The following ITIH2 variants were observed in gnomAD, a reference collection of about 807,000 sequenced individuals.
ITIH2 encodes the protein inter-alpha-trypsin inhibitor heavy chain 2, also known as inter-alpha-trypsin inhibitor heavy chain H2.
ITIH2 carries 103 observed loss-of-function variants against 104.4 expected under a neutral mutation model. The observed-to-expected ratio is 0.99, with a 90% confidence interval of 0.84 to 1.16. The LOEUF (loss-of-function observed/expected upper bound fraction) is 1.16, where lower values mean the gene tolerates loss of function less well. Ranked by LOEUF, ITIH2 falls within the 50% of genes most tolerant of loss-of-function variation. The pLI is 0.00. For synonymous variants in ITIH2, 436 were observed against 435.4 expected, an observed-to-expected ratio of 1.00 and a Z score of -0.02; for missense variants, 1,108 against 1,162.4, an observed-to-expected ratio of 0.95 and a Z score of 0.68.
chr10:7,735,004 C>T lies in ITIH2; in HGVS notation c.1870C>T (p.Pro624Ser). The change falls in exon 15 of 21, where the codon CCG becomes TCG. Residue 624 changes from proline (P) to serine (S), a missense_variant. Physicochemically the swap from Pro to Ser is moderately conservative, Grantham distance 74. Coordinates refer to ENST00000358415, the MANE Select transcript of ITIH2 (RefSeq NM_002216.3). Reference protein sequence around the residue: ...QMSLDHHIVTPLTSLVIENEA... With the variant: ...QMSLDHHIVTSLTSLVIENEA... ...GTCTCTAGACCACCACATTGTGACTCCGCTGACCTCGCTGGTGATCGAGAA... is the reference window on the plus strand; with the variant it reads ...GTCTCTAGACCACCACATTGTGACTTCGCTGACCTCGCTGGTGATCGAGAA... 6.8e-6 allele frequency: 11 copies of T among 1,613,868 alleles called. No homozygotes were observed. Among genetic ancestry groups the T allele is most frequent in the Non-Finnish European group, 6.8e-6 (8 of 1,180,024 alleles).
intron 14 of ITIH2, among the ~76,000 whole-genome samples, chr10:7,733,220 G>C (rs910817422): frequency 1.3e-5 from 2 of 151,960 alleles, no homozygotes; most frequent in Non-Finnish European, 2.9e-5. Context: ...CATGCAATCT[G>C]TATTCCTCTG....
intron 12 of ITIH2, among the ~76,000 whole-genome samples, chr10:7,730,589 G>T (rs1834993334): frequency 6.6e-6 from 1 of 152,190 alleles, no homozygotes; most frequent in African/African-American, 2.4e-5. Flanking sequence ...GGAGGCCAAG[G>T]TGGGAGGATC....
At chr10:7,723,353 C>T (rs1834924295) in intron 8 of ITIH2, 98 bp from the exon 9 acceptor site, 1 of 784,386 alleles carries the variant, frequency 1.3e-6, no homozygotes, top group Admixed American at 1.9e-5. Context: ...CCTCCTCCTC[C>T]CTGTAGACCC....
intron 20 of ITIH2, among the ~76,000 whole-genome samples, 168 bp downstream of exon 20, chr10:7,746,872 T>A (rs1835183094): frequency 1.3e-5 from 2 of 151,898 alleles, no homozygotes; most frequent in Admixed American, 6.6e-5. Flanking sequence ...ACTTCTGATA[T>A]CCCACGTTAA....
At position 7,720,860 on chromosome 10, in the gene ITIH2, AT is replaced by A; in HGVS notation, c.636del (p.Asp212GlufsTer10). ...PGRLAKHLEV[D>X]VWVIEPQGLR... ...AATTTTCTCTTGCATCTCTAGGTAG[AT>A]GTGTGGGTTATCGAACCACAGGGAC... On this transcript the variant is annotated frameshift_variant, in exon 7 of 21. Coordinates refer to ENST00000358415, the MANE Select transcript of ITIH2 (RefSeq NM_002216.3). LOFTEE classifies it high-confidence loss of function. 1 of 1,594,784 alleles carries A rather than the reference AT, an allele frequency of 6.3e-7. No homozygotes were observed. Among genetic ancestry groups the A allele is most frequent in the Non-Finnish European group, 8.6e-7 (1 of 1,162,466 alleles).
intron 16 of ITIH2, among the ~76,000 whole-genome samples, chr10:7,741,477 C>T (rs1835123965): frequency 6.6e-6 from 1 of 152,162 alleles, no homozygotes; most frequent in Non-Finnish European, 1.5e-5. Context: ...CGCACCTGGC[C>T]TGTTCTGTGT....
intron 12 of ITIH2, 120 bp from the exon 13 acceptor site, chr10:7,731,691 C>A: frequency 1.4e-6 from 1 of 712,618 alleles, no homozygotes; most frequent in Non-Finnish European, 2.1e-6. Context: ...CACCACTGCA[C>A]TCCAGCCTGG....
intron 5 of ITIH2, among the ~76,000 whole-genome samples, chr10:7,716,786 A>T (rs1286454911): frequency 1.3e-5 from 2 of 151,826 alleles, no homozygotes; most frequent in Non-Finnish European, 2.9e-5. Flanking sequence ...GCAATAATAA[A>T]GTTTTTCTTT....
rs1564302538 is a variant in ITIH2, at chr10:7,726,990, C to CAGA, written c.1029_1031dup (p.Glu343dup). 6.2e-7 allele frequency: 1 copy of CAGA among 1,613,762 alleles called. No individual in the cohort carries two copies. Among genetic ancestry groups the CAGA allele is most frequent in the South Asian group, 1.1e-5 (1 of 91,036 alleles). ...AAGACCATATTGGATGACCTCAGAGCAGAAGACCATTTCTCTGTGATTGAT... is the reference window on the plus strand; with the variant it reads ...AAGACCATATTGGATGACCTCAGAGCAGAAGAAGACCATTTCTCTGTGATTGAT... On this transcript the variant is annotated inframe_insertion, in exon 10 of 21. Coordinates refer to ENST00000358415, the MANE Select transcript of ITIH2 (RefSeq NM_002216.3).
chr10:7,732,131 T>C, intron 13 of ITIH2, 135 bp downstream of exon 13: 1 of 860,868 alleles, frequency 1.2e-6, no homozygotes, highest in South Asian at 1.7e-5. Flanking sequence ...CATGAGAATA[T>C]CTCTGCCATC....
chr10:7,709,122 C>T lies in ITIH2; in HGVS notation c.293C>T (p.Ser98Phe). 1 of 1,614,092 alleles carries T rather than the reference C, an allele frequency of 6.2e-7. No individual in the cohort carries two copies. Among genetic ancestry groups the T allele is most frequent in the Non-Finnish European group, 8.5e-7 (1 of 1,180,016 alleles). ...TMIQSKVVNNSPQPQNVVFDV... is the reference protein window; with the variant it reads ...TMIQSKVVNNFPQPQNVVFDV... ...ATCCAGAGCAAAGTGGTGAACAATT[C>T]CCCGCAGCCTCAGAATGTCGTGTTT... Residue 98 changes from serine (S) to phenylalanine (F), a missense_variant, in exon 4 of 21, where the codon TCC becomes TTC. Ser to Phe is a radical substitution (Grantham distance 155). Transcript: ENST00000358415.
intron 6 of ITIH2, among the ~76,000 whole-genome samples, chr10:7,719,099 C>T (rs1834877474): frequency 6.6e-6 from 1 of 152,106 alleles, no homozygotes; most frequent in South Asian, 2.1e-4. Context: ...GTAAAGCAGA[C>T]AGGTTGTGAA....
At chr10:7,746,562 T>G (rs1487132541) in intron 19 of ITIH2, 31 bp from the exon 20 acceptor site, 15 of 1,384,354 alleles carry the variant, frequency 1.1e-5, no homozygotes, top group Non-Finnish European at 1.5e-5. Context: ...TATGATTACA[T>G]GTCAATCAAT....
intron 13 of ITIH2, 32 bp downstream of exon 13, chr10:7,732,028 T>C (rs1835008405): frequency 1.3e-6 from 2 of 1,522,986 alleles, no homozygotes; most frequent in Non-Finnish European, 1.8e-6. Context: ...TTCTATCTAC[T>C]AACTGACCCC....
At chr10:7,714,263 C>T (rs1414723342) in intron 5 of ITIH2, among the ~76,000 whole-genome samples, 1 of 151,234 alleles carries the variant, frequency 6.6e-6, no homozygotes, top group Admixed American at 6.6e-5. Flanking sequence ...GCTCCGCCCC[C>T]CGGGTTCACG....
At chr10:7,736,902 T>C (rs1330967802) in intron 15 of ITIH2, among the ~76,000 whole-genome samples, 1 of 152,180 alleles carries the variant, frequency 6.6e-6, no homozygotes, top group Non-Finnish European at 1.5e-5. Context: ...TACTCGCTTA[T>C]CTGAACTCTT....
At chr10:7,729,525 C>T (rs1454790254) in intron 11 of ITIH2, among the ~76,000 whole-genome samples, 1 of 152,032 alleles carries the variant, frequency 6.6e-6, no homozygotes, top group African/African-American at 2.4e-5. Context: ...TACATTTATA[C>T]ATGCATGCAT....
At chr10:7,716,719 G>A (rs1464893753) in intron 5 of ITIH2, among the ~76,000 whole-genome samples, 1 of 134,968 alleles carries the variant, frequency 7.4e-6, no homozygotes, top group Non-Finnish European at 1.5e-5. Flanking sequence ...CTGGGCAGCA[G>A]AGCGAGACCC....
At chr10:7,723,009 G>A (rs1834919043) in intron 8 of ITIH2, among the ~76,000 whole-genome samples, 1 of 149,852 alleles carries the variant, frequency 6.7e-6, no homozygotes, top group Non-Finnish European at 1.5e-5. Context: ...GTGAAGTCGG[G>A]TGGAGTGGAG....
Sources: gnomAD v4.1 joint callset for allele counts (sites outside exome capture counted in the v4.1 genomes callset) on GRCh38, gnomAD v4.1.1 for gene constraint, MANE v1.5 for transcripts, NCBI Gene and HGNC (gene_info 2026-07-23, HGNC 2026-07-21) for gene names.